PCDH11X: variants seen among roughly 807,000 people sequenced by gnomAD.
PCDH11X encodes protocadherin-11 X-linked.
In PCDH11X, 18 loss-of-function variants were observed where a neutral mutation model predicts 53.3. That is an observed-to-expected ratio of 0.34 (90% confidence interval 0.23 to 0.50). The LOEUF (loss-of-function observed/expected upper bound fraction) is 0.50. Ranked by LOEUF, PCDH11X falls within the 20% of genes least tolerant of loss-of-function variation. The pLI is 0.98. For synonymous variants in PCDH11X, 279 were observed against 393.3 expected (o/e 0.71, Z 3.44); for missense variants, 570 against 1,032.4 (o/e 0.55, Z 6.14).
chrX:91,949,354 G>GA (rs199902057), intron 6 of PCDH11X, among the ~76,000 whole-genome samples: 23 of 107,161 alleles, frequency 2.1e-4, no homozygotes, highest in East Asian at 1.5e-3. Flanking sequence ...GATATAGAGG[G>GA]AAAAAAAAAC....
In PCDH11X at chrX:92,041,961, T is replaced by A. The variant is rs1470891452; in HGVS notation, c.3034-159414T>A. Among the ~76,000 whole-genome samples, 16 of 112,253 alleles carry A rather than the reference T, an allele frequency of 1.4e-4. No individual in the cohort carries two copies. The South Asian group carries it at 5.8e-3, about 41-fold the overall frequency. On this transcript the variant is annotated intron_variant, in intron 6 of 10. Transcript: ENST00000682573. Reference sequence around the variant, plus strand: ...TCTAGCCTGGGTGACAGAGCGAGACTCCGTCTCAAAAAAACAAAAAAATAG... The same window carrying A: ...TCTAGCCTGGGTGACAGAGCGAGACACCGTCTCAAAAAAACAAAAAAATAG...
chrX:92,559,418 A>G (rs1290818921), intron 10 of PCDH11X, among the ~76,000 whole-genome samples: 1 of 100,991 alleles, frequency 9.9e-6, no homozygotes, highest in Non-Finnish European at 2.0e-5. Context: ...CAAAAGGAAT[A>G]CCAAATTTTA....
intron 6 of PCDH11X, among the ~76,000 whole-genome samples, chrX:92,084,377 G>A (rs1453766930): frequency 1.9e-5 from 2 of 107,700 alleles, no homozygotes; most frequent in Admixed American, 1.0e-4. Flanking sequence ...GAGAAACCCG[G>A]TCTCTACTAA....
At chrX:92,062,338 A>C (rs35844997) in intron 6 of PCDH11X, among the ~76,000 whole-genome samples, 1 of 111,167 alleles carries the variant, frequency 9.0e-6, no homozygotes, top group African/African-American at 3.3e-5. Flanking sequence ...TCTGATTTTT[A>C]TTCCTAGGAC....
In PCDH11X at chrX:91,921,579, A is replaced by G. The variant is rs1027973739; in HGVS notation, c.3033+42306A>G. 1.9e-5 allele frequency among the ~76,000 whole-genome samples: 2 copies of G among 106,998 alleles called. 1 individual carries two copies. The highest frequency in any genetic ancestry group is 6.8e-5 in the African/African-American group (2 of 29,311). 92.9% of individuals were successfully genotyped at this position (106,998 alleles called of 115,157 possible). ...ATCATACAGTATGTAGCCATTTCCA[A>G]TTAACTTATTGTACTTAGTAATACA... On this transcript the variant is annotated intron_variant, in intron 6 of 10. Coordinates refer to ENST00000682573, the MANE Select transcript of PCDH11X (RefSeq NM_032968.5).
intron 10 of PCDH11X, among the ~76,000 whole-genome samples, chrX:92,518,381 T>A (rs1305944169): frequency 1.8e-5 from 2 of 111,796 alleles, no homozygotes; most frequent in Non-Finnish European, 3.8e-5. Flanking sequence ...CACAAAACTA[T>A]GTGTGTGTGC....
At chrX:91,941,326 G>C (rs1435866757) in intron 6 of PCDH11X, among the ~76,000 whole-genome samples, 1 of 111,351 alleles carries the variant, frequency 9.0e-6, no homozygotes, top group Non-Finnish European at 1.9e-5. Context: ...TTTAATGTAG[G>C]CTCTCTATAA....
intron 6 of PCDH11X, among the ~76,000 whole-genome samples, chrX:91,993,992 G>A (rs1030504462): frequency 1.1e-5 from 1 of 89,919 alleles, no homozygotes; most frequent in African/African-American, 4.1e-5. Flanking sequence ...CTTGGTGAAG[G>A]CGGCAGAGGA....
chrX:92,129,158 C>T (rs1364362754), intron 6 of PCDH11X, among the ~76,000 whole-genome samples: 3 of 110,084 alleles, frequency 2.7e-5, no homozygotes, highest in East Asian at 2.9e-4. Flanking sequence ...TTTGGGAGGC[C>T]GAGGCAGGCG....
At chrX:91,943,427 A>G (rs913240137) in intron 6 of PCDH11X, among the ~76,000 whole-genome samples, 1 of 110,929 alleles carries the variant, frequency 9.0e-6, no homozygotes, top group African/African-American at 3.3e-5. Context: ...GCTCTAAAAA[A>G]TAAAGTCTAT....
At chrX:92,469,711 T>C (rs2073223348) in intron 10 of PCDH11X, among the ~76,000 whole-genome samples, 1 of 111,616 alleles carries the variant, frequency 9.0e-6, no homozygotes. Flanking sequence ...ATGAGTTTAC[T>C]GTAGATGTAT....
chrX:92,277,101 G>A (rs966167636), intron 8 of PCDH11X, among the ~76,000 whole-genome samples: 1 of 110,178 alleles, frequency 9.1e-6, no homozygotes, highest in Non-Finnish European at 1.9e-5. Context: ...GCGAGGAGGG[G>A]AGAGGTCAGA....
At chrX:92,348,280 A>T (rs1241948471) in intron 8 of PCDH11X, among the ~76,000 whole-genome samples, 1 of 111,123 alleles carries the variant, frequency 9.0e-6, no homozygotes, top group Non-Finnish European at 1.9e-5. Flanking sequence ...AAAATGAAAC[A>T]AAAACAAAAG....
At chrX:91,895,181 G>A (rs1940692854) in intron 6 of PCDH11X, among the ~76,000 whole-genome samples, 1 of 111,568 alleles carries the variant, frequency 9.0e-6, no homozygotes, top group African/African-American at 3.3e-5. Context: ...CAAATCACCT[G>A]AACTCTCTCA....
rs1928274144 is a variant in PCDH11X, at chrX:92,618,790, T to G, written c.3894T>G (p.Gly1298=). The change falls in exon 11 of 11, where the codon GGT becomes GGG. Residue 1298 remains glycine, a synonymous_variant. Transcript: ENST00000682573. ...GCTCTGTTGATCAGGGAGTGCAAGG[T>G]AGTGCAACATCTCAGTTTTACACCA... The part of the protein sequence containing the change: ...GLCSVDQGVQ[G]SATSQFYTMS... 8.3e-7 allele frequency: 1 copy of G among 1,210,257 alleles called. No individual in the cohort carries two copies. Among genetic ancestry groups the G allele is most frequent in the Non-Finnish European group, 1.1e-6 (1 of 895,230 alleles).
intron 5 of PCDH11X, among the ~76,000 whole-genome samples, chrX:91,875,449 A>AT (rs547202071): frequency 0.062 from 6,165 of 99,890 alleles, 498 homozygotes; most frequent in African/African-American, 0.2. Flanking sequence ...CGCCAGGCTA[A>AT]TTTTTTTTTT....
intron 9 of PCDH11X, among the ~76,000 whole-genome samples, chrX:92,440,386 A>G: frequency 9.2e-6 from 1 of 108,784 alleles, no homozygotes; most frequent in East Asian, 2.9e-4. Flanking sequence ...TTTAGCTCTC[A>G]CTTATAAGTA....
intron 6 of PCDH11X, among the ~76,000 whole-genome samples, chrX:92,186,153 C>T (rs1180465877): frequency 2.7e-5 from 3 of 111,487 alleles, no homozygotes; most frequent in Non-Finnish European, 3.8e-5. Context: ...GGTATATATA[C>T]AGAATTGAAT....
At chrX:92,485,527 T>C (rs1029969115) in intron 10 of PCDH11X, among the ~76,000 whole-genome samples, 1 of 111,546 alleles carries the variant, frequency 9.0e-6, no homozygotes, top group Non-Finnish European at 1.9e-5. Context: ...AAATTTCAGT[T>C]ACTTGTGATA....
Sources: gnomAD v4.1 joint callset for allele counts (sites outside exome capture counted in the v4.1 genomes callset) on GRCh38, gnomAD v4.1.1 for gene constraint, MANE v1.5 for transcripts, NCBI Gene and HGNC (gene_info 2026-07-23, HGNC 2026-07-21) for gene names.